The following SPO11 variants were observed in gnomAD, a reference collection of about 807,000 sequenced individuals.
The protein encoded by SPO11 is meiotic recombination protein SPO11.
Under a neutral mutation model 51.6 loss-of-function variants are expected in SPO11, and 49 were observed. The observed-to-expected ratio is 0.95, with a 90% CI of 0.75 to 1.20. The LOEUF is 1.20. Among genes scored for constraint, SPO11 ranks in the 50% most tolerant of loss-of-function variants. The pLI is 0.00. For missense variants in SPO11, 431 were observed against 473.4 expected (o/e 0.91, Z 0.83); for synonymous variants, 176 against 158.2 (o/e 1.11, Z -0.84).
At chr20:57,339,969 CT>C in intron 10 of SPO11, 132 bp from the exon 11 acceptor site, 1 of 646,844 alleles carries the variant, frequency 1.5e-6, no homozygotes, top group Admixed American at 2.4e-5. Flanking sequence ...TTTCTTACTT[CT>C]GTGGGCTCTG....
At chr20:57,341,157 T>C (rs569375774) in intron 11 of SPO11, among the ~76,000 whole-genome samples, 1 of 152,362 alleles carries the variant, frequency 6.6e-6, no homozygotes, top group South Asian at 2.1e-4. Flanking sequence ...TAGCATCTTT[T>C]GTTGCTGAGT....
chr20:57,334,477 A>G (rs1037146945), intron 5 of SPO11, among the ~76,000 whole-genome samples: 10 of 152,148 alleles, frequency 6.6e-5, no homozygotes, highest in African/African-American at 1.9e-4. Flanking sequence ...AAAACATAAT[A>G]TAGTCTTCTT....
chr20:57,342,190 AAAGT>A, intron 11 of SPO11, among the ~76,000 whole-genome samples: 1 of 147,090 alleles, frequency 6.8e-6, no homozygotes, highest in Non-Finnish European at 1.5e-5. Context: ...TAAAGTGATA[AAAGT>A]GTGTGTGTGT....
intron 11 of SPO11, among the ~76,000 whole-genome samples, chr20:57,342,464 C>T (rs1406650193): frequency 6.6e-6 from 1 of 152,172 alleles, no homozygotes; most frequent in African/African-American, 2.4e-5. Context: ...TTCCTGTCAT[C>T]CTGTCATCAT....
chr20:57,335,106 G>A (rs1023421195), intron 6 of SPO11, among the ~76,000 whole-genome samples: 1 of 152,140 alleles, frequency 6.6e-6, no homozygotes, highest in Non-Finnish European at 1.5e-5. Context: ...GGTCATTTTA[G>A]CATGTTATTT....
chr20:57,333,220 C>G lies in SPO11; in HGVS notation c.278C>G (p.Ser93Cys). The change falls in exon 3 of 13, where the codon TCC becomes TGC. Residue 93 changes from serine (S) to cysteine (C), a missense_variant. Ser to Cys is a moderately radical substitution (Grantham distance 112, BLOSUM62 -1). Transcript: ENST00000371263. ...FEDSVGLQMV[S>C]HCTTRKIKSD... The stretch of plus-strand genomic sequence containing the variant: ...GATTCTGTGGGTCTTCAGATGGTAT[C>G]CCATTGCACCACCAGAAAGATCAAA... 1.2e-6 allele frequency: 2 copies of G among 1,607,332 alleles called. No homozygotes were observed. Among genetic ancestry groups the G allele is most frequent in the Non-Finnish European group, 8.5e-7 (1 of 1,178,224 alleles).
chr20:57,338,454 T>TC (rs996102943), intron 9 of SPO11, 79 bp downstream of exon 9: 59 of 1,174,064 alleles, frequency 5.0e-5, no homozygotes, highest in Non-Finnish European at 4.7e-5. Context: ...CTCTTTTTTT[T>TC]TTTTTCTTTT....
At chr20:57,334,177 C>T (rs28368076) in intron 5 of SPO11, 82 bp downstream of exon 5, 12,310 of 502,050 alleles carry the variant, frequency 0.025, 191 homozygotes, top group African/African-American at 0.06. Flanking sequence ...TTTTTTGAGA[C>T]GGAGTCTTGC....
rs1302756928 is a variant in SPO11, at chr20:57,342,718, C to CT, written c.960-5dup. ...CTTTTTTACTGATTTTTTTCACCTA[C>CT]TTTTTTCCAGATTAAATGTACCTAA... is the stretch of plus-strand genomic sequence containing the variant. On this transcript the variant is annotated splice_polypyrimidine_tract_variant and intron_variant, in intron 11 of 12. Transcript: ENST00000371263. The CT allele has an allele frequency of 6.3e-7, 1 of 1,576,690 alleles. No individual in the cohort carries two copies. Among genetic ancestry groups the CT allele is most frequent in the East Asian group, 2.2e-5 (1 of 44,632 alleles).
At chr20:57,338,076 G>A (rs1228621363) in intron 8 of SPO11, among the ~76,000 whole-genome samples, 200 bp from the exon 9 acceptor site, 1 of 152,042 alleles carries the variant, frequency 6.6e-6, no homozygotes. Context: ...TAGTAGAGAC[G>A]GGGTTTCACC....
chr20:57,340,100 A>T lies in SPO11; in HGVS notation c.883-2A>T. On this transcript the variant is annotated splice_acceptor_variant, in intron 10 of 12. Transcript: ENST00000371263. LOFTEE classifies it high-confidence loss of function. ...CTAATATACTTTTGTTCTTTATTTTAGTCTATGTCTTTTGAAGCTCATCAT... is the reference window on the plus strand; with the variant it reads ...CTAATATACTTTTGTTCTTTATTTTTGTCTATGTCTTTTGAAGCTCATCAT... 1.9e-6 allele frequency: 3 copies of T among 1,601,646 alleles called. No homozygotes were observed. Among genetic ancestry groups the T allele is most frequent in the Non-Finnish European group, 2.6e-6 (3 of 1,168,820 alleles).
At chr20:57,335,613 G>A (rs750496087) in intron 7 of SPO11, among the ~76,000 whole-genome samples, 158 bp downstream of exon 7, 2 of 152,060 alleles carry the variant, frequency 1.3e-5, no homozygotes, top group Non-Finnish European at 1.5e-5. Flanking sequence ...ACTCTTTTAG[G>A]AGCTCACCAT....
rs1568758283 is a variant in SPO11 at position 57,333,772 on chromosome 20, T to C, written c.401+19T>C. On this transcript the variant is annotated intron_variant, in intron 4 of 12. Coordinates refer to ENST00000371263, the MANE Select transcript of SPO11 (RefSeq NM_012444.3). Reference sequence around the variant, plus strand: ...CCAAAAGGTAAATATATTGTTCTAGTAAATTACTCTTCAAAATGTAATGTG... The same window carrying C: ...CCAAAAGGTAAATATATTGTTCTAGCAAATTACTCTTCAAAATGTAATGTG... The C allele has an allele frequency of 7.7e-7, 1 of 1,303,852 alleles. No homozygotes were observed. Among genetic ancestry groups the C allele is most frequent in the Admixed American group, 1.9e-5 (1 of 52,280 alleles). 80.8% of individuals were successfully genotyped at this position (1,303,852 alleles called of 1,614,324 possible).
At chr20:57,335,499 A>T in intron 7 of SPO11, 44 bp downstream of exon 7, 2 of 1,565,160 alleles carry the variant, frequency 1.3e-6, no homozygotes, top group Non-Finnish European at 1.7e-6. Context: ...TGGAATGTTC[A>T]TTCATTCATT....
At position 57,329,860 on chromosome 20, in the gene SPO11, C is replaced by CT. The variant is rs2066420700; in HGVS notation, c.-7dup. 2 of 1,611,220 alleles carry CT rather than the reference C, an allele frequency of 1.2e-6. No individual in the cohort carries two copies. The highest frequency in any genetic ancestry group is 4.5e-5 in the East Asian group (2 of 44,842). ...GGCTTCTGGAGCTTCTGGCAGCCGTCTGCCCTCATGGCCTTTGCACCTATG... is the reference window on the plus strand; with the variant it reads ...GGCTTCTGGAGCTTCTGGCAGCCGTCTTGCCCTCATGGCCTTTGCACCTATG... On this transcript the variant is annotated 5_prime_UTR_variant, in exon 1 of 13. Transcript: ENST00000371263.
intron 9 of SPO11, 118 bp from the exon 10 acceptor site, chr20:57,338,871 T>C: frequency 1.6e-6 from 1 of 615,906 alleles, no homozygotes. Context: ...CTGAGAATGA[T>C]AAATTTTTCA....
At chr20:57,331,657 T>C (rs778014420) in intron 1 of SPO11, among the ~76,000 whole-genome samples, 176 bp from the exon 2 acceptor site, 2 of 152,222 alleles carry the variant, frequency 1.3e-5, no homozygotes, top group African/African-American at 2.4e-5. Context: ...GAGATAATTA[T>C]TGACATGGAT....
chr20:57,342,375 T>C (rs1419018240), intron 11 of SPO11, among the ~76,000 whole-genome samples: 1 of 152,242 alleles, frequency 6.6e-6, no homozygotes, highest in Non-Finnish European at 1.5e-5. Context: ...AGAGGCTTAA[T>C]GTACATTATT....
At position 57,335,402 on chromosome 20, in the gene SPO11, A is replaced by C. The variant is rs1287406897; in HGVS notation, c.598-17A>C. 1 of 1,600,580 alleles carries C rather than the reference A, an allele frequency of 6.2e-7. No individual in the cohort carries two copies. The highest frequency in any genetic ancestry group is 2.2e-5 in the East Asian group (1 of 44,630). On this transcript the variant is annotated splice_polypyrimidine_tract_variant and intron_variant, in intron 6 of 12. Coordinates refer to ENST00000371263, the MANE Select transcript of SPO11 (RefSeq NM_012444.3). ...TATTTTGCTTTTTATGTAAGATAAA[A>C]ACTTTTTTTTTAAAAGGCTGTTGCT...
Sources: gnomAD v4.1 joint callset for allele counts (sites outside exome capture counted in the v4.1 genomes callset) on GRCh38, gnomAD v4.1.1 for gene constraint, MANE v1.5 for transcripts, NCBI Gene and HGNC (gene_info 2026-07-23, HGNC 2026-07-21) for gene names.